Variants in HCN4 observed in about 807,000 individuals in gnomAD.
The protein encoded by HCN4 is potassium/sodium hyperpolarization-activated cyclic nucleotide-gated channel 4.
In HCN4, 29 loss-of-function variants were observed where a neutral mutation model predicts 76.9. The observed-to-expected ratio is 0.38, with a 90% confidence interval of 0.28 to 0.51. The LOEUF (loss-of-function observed/expected upper bound fraction) is 0.51. Ranked by LOEUF, HCN4 falls within the 20% of genes least tolerant of loss-of-function variation. HCN4 has a pLI of 0.90. For synonymous variants in HCN4, 772 were observed against 762.5 expected (o/e 1.01, Z -0.21); for missense variants, 1,416 against 1,715.2 (o/e 0.83, Z 3.08).
rs2043141056 is a variant in HCN4, at chr15:73,368,432, G to A, written c.-162C>T. The A allele has an allele frequency of 2.3e-6, 1 of 438,526 alleles. No individual in the cohort carries two copies. 27.2% of individuals were successfully genotyped at this position (438,526 alleles called of 1,614,324 possible). ...ATGCTTGGGCAGGCTGCGCGCCGCG[G>A]GGAGGATCCTAGTCCCGCTCCGAGT... is the stretch of plus-strand genomic sequence containing the variant. On this transcript the variant is annotated 5_prime_UTR_variant, in exon 1 of 8. Transcript: ENST00000261917. The surrounding 1 kb of genome is among the most constrained non-coding windows in gnomAD (Gnocchi z 6.9).
chr15:73,329,761 C>A lies in HCN4; in HGVS notation c.1402G>T (p.Ala468Ser). Residue 468 changes from alanine (A) to serine (S), a missense_variant, in exon 4 of 8, where the codon GCG becomes TCG. By Grantham distance (99) the Ala-to-Ser change is moderately conservative. Coordinates refer to ENST00000261917, the MANE Select transcript of HCN4 (RefSeq NM_005477.3). ...NNSWGKQYSY[A>S]LFKAMSHMLC... ...ATGTGGCTCATGGCCTTGAAGAGCGCGTAGGAGTACTGCTTCCCCCAGGAG... is the reference window on the plus strand; with the variant it reads ...ATGTGGCTCATGGCCTTGAAGAGCGAGTAGGAGTACTGCTTCCCCCAGGAG... 1.2e-6 allele frequency: 2 copies of A among 1,614,014 alleles called. No homozygotes were observed. The highest frequency in any genetic ancestry group is 1.1e-5 in the South Asian group (1 of 91,084).
intron 1 of HCN4, among the ~76,000 whole-genome samples, chr15:73,344,778 A>G (rs1329736716): frequency 1.3e-5 from 2 of 152,058 alleles, no homozygotes; most frequent in Non-Finnish European, 2.9e-5. Context: ...GTTTCTCCCA[A>G]CTCACCAAGC....
At chr15:73,351,371 C>T (rs927753723) in intron 1 of HCN4, among the ~76,000 whole-genome samples, 1 of 152,192 alleles carries the variant, frequency 6.6e-6, no homozygotes, top group Non-Finnish European at 1.5e-5. Flanking sequence ...ACCCATGCAT[C>T]CACTTGCTGA....
At chr15:73,364,299 T>A (rs1158141751) in intron 1 of HCN4, among the ~76,000 whole-genome samples, 1 of 151,844 alleles carries the variant, frequency 6.6e-6, no homozygotes, top group Admixed American at 6.6e-5. Context: ...AGACACCCAC[T>A]CAGACAGACA....
intron 3 of HCN4, 24 bp downstream of exon 3, chr15:73,332,107 G>C: frequency 6.2e-7 from 1 of 1,612,176 alleles, no homozygotes; most frequent in Non-Finnish European, 8.5e-7. Flanking sequence ...GGCCCAGAGA[G>C]AGGACCGGGC....
chr15:73,330,245 G>A (rs1234994842), intron 3 of HCN4, among the ~76,000 whole-genome samples: 3 of 152,234 alleles, frequency 2.0e-5, no homozygotes, highest in South Asian at 2.1e-4. Context: ...AAGCTCTGGC[G>A]GACTGAGCCG....
intron 1 of HCN4, among the ~76,000 whole-genome samples, chr15:73,365,150 G>C (rs2043123003): frequency 6.6e-6 from 1 of 152,132 alleles, no homozygotes; most frequent in Non-Finnish European, 1.5e-5. Context: ...GGTTAGGTGG[G>C]GTTGGGTGGT....
intron 4 of HCN4, among the ~76,000 whole-genome samples, chr15:73,326,541 G>T (rs977074045): frequency 6.6e-6 from 1 of 152,152 alleles, no homozygotes; most frequent in Non-Finnish European, 1.5e-5. Flanking sequence ...AACAGGTAGG[G>T]GTAGGGAGGC....
chr15:73,324,947 T>C lies in HCN4; in HGVS notation c.1978+8A>G, dbSNP rs1057522491. ...TGCCCTGTCCCCCAGGGCCCAGGGC[T>C]GCCTCACCTCCAAAGTAGGAGCCGT... On this transcript the variant is annotated splice_region_variant and intron_variant, in intron 6 of 7. Transcript: ENST00000261917. The C allele has an allele frequency of 6.8e-6, 11 of 1,613,834 alleles. No homozygotes were observed. The highest frequency in any genetic ancestry group is 8.5e-6 in the Non-Finnish European group (10 of 1,180,004).
rs2151214056 is a variant in HCN4, at chr15:73,322,919, G to A, written c.3174C>T (p.Ser1058=). The A allele has an allele frequency of 7.1e-7, 1 of 1,401,628 alleles. No homozygotes were observed. Among genetic ancestry groups the A allele is most frequent in the Non-Finnish European group, 9.4e-7 (1 of 1,060,774 alleles). 86.8% of individuals were successfully genotyped at this position (1,401,628 alleles called of 1,614,324 possible). Residue 1058 remains serine, a synonymous_variant, in exon 8 of 8, where the codon TCC becomes TCT. Transcript: ENST00000261917. Reference sequence around the variant, plus strand: ...GGGGGACCTGGGGTGGTGGGGGGCTGGATGCAGGTGGCAGGAGCAAGGATC... The same window carrying A: ...GGGGGACCTGGGGTGGTGGGGGGCTAGATGCAGGTGGCAGGAGCAAGGATC... ...SHGSLLLPPA[S]SPPPPQVPQR... is the part of the protein sequence containing the mutation.
rs776665679 is a variant in HCN4, at chr15:73,367,442, C to T, written c.785+44G>A. 13 of 1,611,138 alleles carry T rather than the reference C, an allele frequency of 8.1e-6. No individual in the cohort carries two copies. The East Asian group carries it at 2.5e-4, about 30-fold the overall frequency. On this transcript the variant is annotated intron_variant, in intron 1 of 7. Transcript: ENST00000261917. This position sits in a 1 kb window ranked among gnomAD's most constrained non-coding sequence, Gnocchi z 7.5. ...GCAGGGTCAGGAGGAGGCATGCCTG[C>T]CACCGCGCAGGGCACCCACAGGATC...
intron 3 of HCN4, among the ~76,000 whole-genome samples, chr15:73,330,823 G>A (rs2042928356): frequency 1.3e-5 from 2 of 152,300 alleles, no homozygotes; most frequent in African/African-American, 4.8e-5. Flanking sequence ...TGGGGACCAG[G>A]AGGGCTCATC....
chr15:73,322,896 G>A lies in HCN4; in HGVS notation c.3197C>T (p.Pro1066Leu). The change falls in exon 8 of 8, where the codon CCC becomes CTC. Residue 1066 changes from proline to leucine, a missense_variant. This residue lies in a region of HCN4 where 633 missense variants were observed against 579.8 expected (regional missense o/e 1.09). Coordinates refer to ENST00000261917, the MANE Select transcript of HCN4 (RefSeq NM_005477.3). ...GAGCGGGGGTGTGCCCCGGCGCTGG[G>A]GGACCTGGGGTGGTGGGGGGCTGGA... Reference protein sequence around the residue: ...PASSPPPPQVPQRRGTPPLTP... With the variant: ...PASSPPPPQVLQRRGTPPLTP... 6.9e-7 allele frequency: 1 copy of A among 1,439,144 alleles called. No individual in the cohort carries two copies. The highest frequency in any genetic ancestry group is 9.2e-7 in the Non-Finnish European group (1 of 1,091,906). The allele number at this position is 1,439,144 out of a possible 1,614,324, so 89.1% of individuals were successfully genotyped here. A position where few individuals can be genotyped will look rare whatever the true frequency, so the allele number is the denominator to read the frequency against.
At chr15:73,361,670 C>A (rs1434765754) in intron 1 of HCN4, among the ~76,000 whole-genome samples, 4 of 152,184 alleles carry the variant, frequency 2.6e-5, no homozygotes, top group African/African-American at 4.8e-5. Context: ...GTGGCAGGCA[C>A]AAGGGCCACT....
chr15:73,356,374 C>CTTTT (rs71137342), intron 1 of HCN4, among the ~76,000 whole-genome samples: 133 of 118,184 alleles, frequency 1.1e-3, no homozygotes, highest in East Asian at 1.5e-3. Context: ...CTTTTCTTTT[C>CTTTT]TTTTTTTTTT....
At chr15:73,324,868 T>A (rs919912121) in intron 6 of HCN4, 87 bp downstream of exon 6, 1 of 1,537,252 alleles carries the variant, frequency 6.5e-7, no homozygotes, top group Non-Finnish European at 8.9e-7. Flanking sequence ...CCAAGAAGGG[T>A]GCTCACTGCC....
In HCN4 at chr15:73,368,162, C is replaced by T; in HGVS notation, c.109G>A (p.Ala37Thr). 2 of 1,527,250 alleles carry T rather than the reference C, an allele frequency of 1.3e-6. No homozygotes were observed. The highest frequency in any genetic ancestry group is 1.4e-5 in the African/African-American group (1 of 70,104). 94.6% of individuals were successfully genotyped at this position (1,527,250 alleles called of 1,614,324 possible). The change falls in exon 1 of 8, where the codon GCC becomes ACC. Residue 37 changes from alanine (A) to threonine (T), a missense_variant. Physicochemically the swap from Ala to Thr is moderately conservative, Grantham distance 58. Coordinates refer to ENST00000261917, the MANE Select transcript of HCN4 (RefSeq NM_005477.3). This position sits in a 1 kb window ranked among gnomAD's most constrained non-coding sequence, Gnocchi z 6.9. ...CGGCTGGGGTCTTGGCGGCCCCCGG[C>T]CCCCTCCTCCTCGGCGTCCTCTTCC... ...DEEEDAEEEG[A>T]GGRQDPSRRS...
intron 6 of HCN4, among the ~76,000 whole-genome samples, chr15:73,324,723 C>T (rs1411099389): frequency 6.6e-6 from 1 of 152,192 alleles, no homozygotes; most frequent in Non-Finnish European, 1.5e-5. Context: ...GCTCAGATGG[C>T]CAGCCTCCAG....
Position 73,368,097 on chromosome 15 carries a change from G to C in HCN4, c.174C>G (p.Pro58=). The C allele has an allele frequency of 6.7e-7, 1 of 1,496,868 alleles. No individual in the cohort carries two copies. Among genetic ancestry groups the C allele is most frequent in the Non-Finnish European group, 8.9e-7 (1 of 1,127,750 alleles). The allele number at this position is 1,496,868 out of a possible 1,614,324, so 92.7% of individuals were successfully genotyped here. Residue 58 remains proline, a synonymous_variant, in exon 1 of 8, where the codon CCC becomes CCG. Coordinates refer to ENST00000261917, the MANE Select transcript of HCN4 (RefSeq NM_005477.3). This position sits in a 1 kb window ranked among gnomAD's most constrained non-coding sequence, Gnocchi z 6.9. ...ACTCCGTGCCACCCGCGGCCGCCGA[G>C]GGGGAGGGCGAGGGCAGTGGCCGCA... is the stretch of plus-strand genomic sequence containing the variant. ...IRLRPLPSPS[P]SAAAGGTESR...
Sources: gnomAD v4.1 joint callset for allele counts (sites outside exome capture counted in the v4.1 genomes callset) on GRCh38, gnomAD v4.1.1 for gene constraint, gnomAD v4.1.1 regional missense constraint, Gnocchi (gnomAD v3.1) non-coding constraint, MANE v1.5 for transcripts, NCBI Gene and HGNC (gene_info 2026-07-23, HGNC 2026-07-21) for gene names.